The following CD247 variants were observed in gnomAD, a reference collection of about 807,000 sequenced individuals.
CD247 encodes CD247 molecule.
Under a neutral mutation model 30.0 loss-of-function variants are expected in CD247, and 13 were observed. That is an observed-to-expected ratio of 0.43 (90% CI 0.28 to 0.69). The LOEUF is 0.69. Among genes scored for constraint, CD247 ranks in the 30% least tolerant of loss-of-function variants. CD247 has a pLI of 0.16. For synonymous variants in CD247, 72 were observed against 80.0 expected, an observed-to-expected ratio of 0.90 and a Z score of 0.53; for missense variants, 193 against 212.6, an observed-to-expected ratio of 0.91 and a Z score of 0.57.
At chr1:167,466,153 T>C (rs1653234717) in intron 1 of CD247, among the ~76,000 whole-genome samples, 1 of 152,234 alleles carries the variant, frequency 6.6e-6, no homozygotes, top group African/African-American at 2.4e-5. Flanking sequence ...CTTAATTAAC[T>C]TTATCAGGGA....
chr1:167,439,343 C>A lies in CD247; in HGVS notation c.219+1G>T. ...GAGGGTCTACGGCGAGGCTGACTTACGTTATAGAGCTGGTTCTGGCCCTGC... is the reference window on the plus strand; with the variant it reads ...GAGGGTCTACGGCGAGGCTGACTTAAGTTATAGAGCTGGTTCTGGCCCTGC... On this transcript the variant is annotated splice_donor_variant, in intron 3 of 7. Transcript: ENST00000362089. LOFTEE classifies it high-confidence loss of function. 1 of 1,613,852 alleles carries A rather than the reference C, an allele frequency of 6.2e-7. No individual in the cohort carries two copies. Among genetic ancestry groups the A allele is most frequent in the Non-Finnish European group, 8.5e-7 (1 of 1,179,718 alleles).
intron 1 of CD247, among the ~76,000 whole-genome samples, chr1:167,488,135 G>A (rs188991760): frequency 2.0e-4 from 30 of 152,196 alleles, no homozygotes; most frequent in African/African-American, 7.0e-4. Context: ...ACCCCAAAAG[G>A]TTTGTTAAAG....
rs576086513 is a variant in CD247 at position 167,456,375 on chromosome 1, T to A, written c.59-15608A>T. ...GATAGAGCTTTTTCCTGATTGTCTC[T>A]GGCTTGAGCTAACCAGGTGGCATGA... On this transcript the variant is annotated intron_variant, in intron 1 of 7. Coordinates refer to ENST00000362089, the MANE Select transcript of CD247 (RefSeq NM_198053.3). Among the ~76,000 whole-genome samples the A allele has an allele frequency of 7.2e-5, 11 of 152,320 alleles. No individual in the cohort carries two copies. The East Asian group carries it at 2.1e-3, about 29-fold the overall frequency.
chr1:167,439,109 C>T (rs1046374524), intron 3 of CD247, among the ~76,000 whole-genome samples: 4 of 152,148 alleles, frequency 2.6e-5, no homozygotes, highest in Non-Finnish European at 5.9e-5. Flanking sequence ...AGACTAAGCT[C>T]GTTCCATGCA....
chr1:167,452,533 G>A (rs1163223078), intron 1 of CD247, among the ~76,000 whole-genome samples: 1 of 152,158 alleles, frequency 6.6e-6, no homozygotes, highest in Admixed American at 6.5e-5. Flanking sequence ...GGCACCTCAC[G>A]AGTGGTCATG....
At chr1:167,477,642 A>G (rs1653805971) in intron 1 of CD247, among the ~76,000 whole-genome samples, 1 of 151,894 alleles carries the variant, frequency 6.6e-6, no homozygotes, top group Non-Finnish European at 1.5e-5. Flanking sequence ...TGATCCTCCC[A>G]CCTCAGCCTC....
rs1488150840 is a variant in CD247 at position 167,493,062 on chromosome 1, A to C, written c.58+25346T>G. Among the ~76,000 whole-genome samples, 3 of 14,282 alleles carry C rather than the reference A, an allele frequency of 2.1e-4. No homozygotes were observed. The Middle Eastern group carries it at 0.15, about 714-fold the overall frequency. 9.4% of individuals were successfully genotyped at this position (14,282 alleles called of 152,430 possible). On this transcript the variant is annotated intron_variant, in intron 1 of 7. Transcript: ENST00000362089. Reference sequence around the variant, plus strand: ...CTTTTTTTTTTTTTTTTTTTTTTTGAGATGGAGTGTCACTCTGTCGCCCAG... The same window carrying C: ...CTTTTTTTTTTTTTTTTTTTTTTTGCGATGGAGTGTCACTCTGTCGCCCAG...
chr1:167,486,535 C>G (rs35450480), intron 1 of CD247, among the ~76,000 whole-genome samples: 4,096 of 152,340 alleles, frequency 0.027, 178 homozygotes, highest in African/African-American at 0.092. Flanking sequence ...GCCCAGCCGC[C>G]GGTCCAGGGC....
chr1:167,505,263 T>C (rs926798205), intron 1 of CD247, among the ~76,000 whole-genome samples: 5 of 152,174 alleles, frequency 3.3e-5, no homozygotes, highest in African/African-American at 1.2e-4. Context: ...CCTGAGTAGC[T>C]TTTTTTGTTG....
chr1:167,461,651 C>T (rs1263553409), intron 1 of CD247, among the ~76,000 whole-genome samples: 6 of 152,238 alleles, frequency 3.9e-5, no homozygotes, highest in Non-Finnish European at 8.8e-5. Context: ...AGTTCGAGAC[C>T]ACCCTGGCCA....
At chr1:167,466,989 G>A (rs958112275) in intron 1 of CD247, among the ~76,000 whole-genome samples, 2 of 152,144 alleles carry the variant, frequency 1.3e-5, no homozygotes, top group African/African-American at 2.4e-5. Flanking sequence ...ACAGGCGCCC[G>A]CCACCGCGCC....
intron 1 of CD247, among the ~76,000 whole-genome samples, chr1:167,449,812 A>G (rs937694029): frequency 3.3e-5 from 5 of 152,056 alleles, no homozygotes; most frequent in African/African-American, 1.2e-4. Flanking sequence ...AATCCCAGCT[A>G]CTTGGGAGGC....
At chr1:167,502,867 CAG>C (rs1410035341) in intron 1 of CD247, among the ~76,000 whole-genome samples, 2 of 152,134 alleles carry the variant, frequency 1.3e-5, no homozygotes, top group Non-Finnish European at 2.9e-5. Context: ...AGGCTTGGGA[CAG>C]ATTCTCCTGC....
chr1:167,456,383 G>A (rs1652672370), intron 1 of CD247, among the ~76,000 whole-genome samples: 1 of 152,176 alleles, frequency 6.6e-6, no homozygotes, highest in Non-Finnish European at 1.5e-5. Flanking sequence ...TCTGGCTTGA[G>A]CTAACCAGGT....
At chr1:167,501,458 G>A (rs1312534977) in intron 1 of CD247, among the ~76,000 whole-genome samples, 15 of 152,194 alleles carry the variant, frequency 9.9e-5, no homozygotes, top group Admixed American at 9.8e-4. Context: ...CTATACATCT[G>A]TTTTGTAAAC....
chr1:167,481,895 G>C (rs1653986774), intron 1 of CD247, among the ~76,000 whole-genome samples: 1 of 152,210 alleles, frequency 6.6e-6, no homozygotes, highest in Admixed American at 6.5e-5. Flanking sequence ...ACCCAAGGTT[G>C]GGTGCTGAGT....
At chr1:167,440,329 T>C in intron 2 of CD247, 1 of 377,522 alleles carries the variant, frequency 2.6e-6, no homozygotes, top group Non-Finnish European at 5.0e-6. Context: ...TGGCCTTCAT[T>C]CACACTTGGA....
At chr1:167,444,502 G>C (rs967499908) in intron 1 of CD247, among the ~76,000 whole-genome samples, 1 of 152,136 alleles carries the variant, frequency 6.6e-6, no homozygotes, top group East Asian at 1.9e-4. Flanking sequence ...CCCTACCCAA[G>C]AGTACAGCAC....
chr1:167,447,247 T>C (rs908408822), intron 1 of CD247, among the ~76,000 whole-genome samples: 5 of 152,132 alleles, frequency 3.3e-5, no homozygotes, highest in African/African-American at 7.2e-5. Flanking sequence ...CTCCAATAGG[T>C]CACATGGCTA....
Sources: gnomAD v4.1 joint callset for allele counts (sites outside exome capture counted in the v4.1 genomes callset) on GRCh38, gnomAD v4.1.1 for gene constraint, MANE v1.5 for transcripts, NCBI Gene and HGNC (gene_info 2026-07-23, HGNC 2026-07-21) for gene names.